The following BDH1 variants were observed in gnomAD, a reference collection of about 807,000 sequenced individuals.
The protein encoded by BDH1 is D-beta-hydroxybutyrate dehydrogenase, mitochondrial.
BDH1 carries 30 observed loss-of-function variants against 33.1 expected under a neutral mutation model. The ratio of observed to expected loss-of-function variants is 0.91; its 90% CI spans 0.68 to 1.23. BDH1 has a LOEUF of 1.23. BDH1 is among the 50% of genes most tolerant of loss of function. The pLI, the probability that BDH1 is intolerant of heterozygous loss-of-function variation, is 0.00. For missense variants in BDH1, 443 were observed against 464.4 expected (o/e 0.95, Z 0.42); for synonymous variants, 190 against 183.6 (o/e 1.03, Z -0.28).
At chr3:197,551,607 T>A (rs2108764402) in intron 2 of BDH1, among the ~76,000 whole-genome samples, 1 of 152,316 alleles carries the variant, frequency 6.6e-6, no homozygotes, top group Non-Finnish European at 1.5e-5. Flanking sequence ...CACTGCTGGA[T>A]CCTATGGTAG....
In BDH1 at chr3:197,525,997, G is replaced by A. The variant is rs1331239544; in HGVS notation, c.268-3216C>T. ...TTAGTTCCGCTGTGTTGGTGCGTGTGCAACTGGCTTATTGATAAACCCACT... is the reference window on the plus strand; with the variant it reads ...TTAGTTCCGCTGTGTTGGTGCGTGTACAACTGGCTTATTGATAAACCCACT... On this transcript the variant is annotated intron_variant, in intron 5 of 7. Coordinates refer to ENST00000392379, the MANE Select transcript of BDH1 (RefSeq NM_203314.3). This position sits in a 1 kb window ranked among gnomAD's most constrained non-coding sequence, Gnocchi z 4.9. Among the ~76,000 whole-genome samples, 1 of 152,198 alleles carries A rather than the reference G, an allele frequency of 6.6e-6. No homozygotes were observed. Among genetic ancestry groups the A allele is most frequent in the Non-Finnish European group, 1.5e-5 (1 of 68,042 alleles).
intron 3 of BDH1, among the ~76,000 whole-genome samples, chr3:197,534,929 CTT>C (rs1470684683): frequency 6.6e-6 from 1 of 152,166 alleles, no homozygotes; most frequent in Non-Finnish European, 1.5e-5. Context: ...CAACAACAGA[CTT>C]ATATTCCTTA....
intron 1 of BDH1, among the ~76,000 whole-genome samples, chr3:197,562,452 C>G (rs1042912882): frequency 5.3e-5 from 8 of 152,170 alleles, no homozygotes; most frequent in African/African-American, 1.9e-4. Context: ...GAAAGGCGTC[C>G]CTGGGTGACC....
chr3:197,567,950 T>C (rs1223058358), intron 1 of BDH1, among the ~76,000 whole-genome samples: 5 of 152,162 alleles, frequency 3.3e-5, no homozygotes, highest in African/African-American at 1.2e-4. Context: ...TGAGAGATCA[T>C]GGTGTTCTCT....
intron 1 of BDH1, among the ~76,000 whole-genome samples, chr3:197,569,636 T>C (rs1396245438): frequency 1.3e-5 from 2 of 152,162 alleles, no homozygotes; most frequent in African/African-American, 4.8e-5. Flanking sequence ...TAAAAACTGA[T>C]GGTTTTACAA....
intron 5 of BDH1, chr3:197,529,262 T>A (rs1714425765): frequency 6.6e-6 from 1 of 152,230 alleles, no homozygotes; most frequent in Non-Finnish European, 1.5e-5. Flanking sequence ...GAGGCAAAGA[T>A]ATATGTGCAA....
chr3:197,560,468 T>G (rs1234492880), upstream of BDH1, among the ~76,000 whole-genome samples: 1 of 152,158 alleles, frequency 6.6e-6, no homozygotes, highest in Non-Finnish European at 1.5e-5. Flanking sequence ...TACTAGCCAA[T>G]CAGGACAAAT....
At position 197,514,454 on chromosome 3, in the gene BDH1, G is replaced by A; in HGVS notation, c.410-38C>T. 6.5e-7 allele frequency: 1 copy of A among 1,532,576 alleles called. No individual in the cohort carries two copies. 94.9% of individuals were successfully genotyped at this position (1,532,576 alleles called of 1,614,324 possible). ...GGGATAGATGTGCATTTACCACATG[G>A]GCTTGGCCCAGACATTGCCCATCAG... On this transcript the variant is annotated intron_variant, in intron 6 of 7. Transcript: ENST00000392379. This position sits in a 1 kb window ranked among gnomAD's most constrained non-coding sequence, Gnocchi z 4.2.
chr3:197,538,455 G>C, intron 3 of BDH1: 1 of 446,570 alleles, frequency 2.2e-6, no homozygotes, highest in South Asian at 1.6e-5. Context: ...GGGTTCAAGC[G>C]ATTCTCCTGC....
rs1242524499 is a variant in BDH1 at position 197,533,593 on chromosome 3, G to A, written c.84-32C>T. The A allele has an allele frequency of 1.9e-6, 3 of 1,601,394 alleles. No individual in the cohort carries two copies. The South Asian group carries it at 3.3e-5, about 18-fold the overall frequency. ...GAGAAAAGGAAGCCGTGAGTACAAG[G>A]ACAGACTAGACAGACCCTCAGCCAC... is the stretch of plus-strand genomic sequence containing the variant. On this transcript the variant is annotated intron_variant, in intron 3 of 7. Transcript: ENST00000392379.
rs1713669589 is a variant in BDH1, at chr3:197,522,609, A to G, written c.409+31T>C. On this transcript the variant is annotated intron_variant, in intron 6 of 7. Coordinates refer to ENST00000392379, the MANE Select transcript of BDH1 (RefSeq NM_203314.3). The surrounding 1 kb of genome is among the most constrained non-coding windows in gnomAD (Gnocchi z 4.8). Reference sequence around the variant, plus strand: ...AGTGCCCCTTGGAATGGCCCCATACACAACCCCTGCCGTCCGAAGGGGCGC... The same window carrying G: ...AGTGCCCCTTGGAATGGCCCCATACGCAACCCCTGCCGTCCGAAGGGGCGC... 1.2e-6 allele frequency: 2 copies of G among 1,612,444 alleles called. No individual in the cohort carries two copies. The highest frequency in any genetic ancestry group is 1.3e-5 in the African/African-American group (1 of 75,038).
At chr3:197,564,992 C>G (rs749480540) in intron 1 of BDH1, among the ~76,000 whole-genome samples, 8 of 152,124 alleles carry the variant, frequency 5.3e-5, no homozygotes, top group Non-Finnish European at 1.0e-4. Context: ...GTGCAATCTC[C>G]GCTCACTGCA....
intron 3 of BDH1, among the ~76,000 whole-genome samples, chr3:197,545,626 G>C (rs1246567970): frequency 6.6e-6 from 1 of 152,198 alleles, no homozygotes; most frequent in Non-Finnish European, 1.5e-5. Context: ...ACCAGAAAAA[G>C]GTCCATCAGC....
chr3:197,540,361 C>T (rs1715501699), intron 3 of BDH1, among the ~76,000 whole-genome samples: 1 of 148,726 alleles, frequency 6.7e-6, no homozygotes, highest in South Asian at 2.2e-4. Context: ...GCCTACCTGA[C>T]ATTTTTAAAA....
chr3:197,519,987 C>T (rs957908564), intron 6 of BDH1, among the ~76,000 whole-genome samples: 8 of 152,132 alleles, frequency 5.3e-5, no homozygotes, highest in African/African-American at 1.4e-4. Flanking sequence ...TGTGCCCCCC[C>T]GGTGGAGAAG....
intron 4 of BDH1, among the ~76,000 whole-genome samples, 156 bp from the exon 5 acceptor site, chr3:197,532,678 G>A (rs1238317877): frequency 6.6e-6 from 1 of 152,170 alleles, no homozygotes; most frequent in Non-Finnish European, 1.5e-5. Flanking sequence ...AAGCACCATG[G>A]TATAGTGGAA....
At chr3:197,538,513 G>C in intron 3 of BDH1, 3 of 375,638 alleles carry the variant, frequency 8.0e-6, no homozygotes, top group South Asian at 6.0e-5. Flanking sequence ...CACCACACCT[G>C]GCCAATTTTT....
chr3:197,543,289 T>C, intron 3 of BDH1: 1 of 567,132 alleles, frequency 1.8e-6, no homozygotes, highest in Non-Finnish European at 2.2e-6. Flanking sequence ...CCGCATGTGA[T>C]GTGGCAGCCA....
chr3:197,520,825 C>A lies in BDH1; in HGVS notation c.409+1815G>T, dbSNP rs982768037. Among the ~76,000 whole-genome samples, 1 of 152,174 alleles carries A rather than the reference C, an allele frequency of 6.6e-6. No individual in the cohort carries two copies. The highest frequency in any genetic ancestry group is 1.5e-5 in the Non-Finnish European group (1 of 68,030). On this transcript the variant is annotated intron_variant, in intron 6 of 7. Coordinates refer to ENST00000392379, the MANE Select transcript of BDH1 (RefSeq NM_203314.3). The surrounding 1 kb of genome is among the most constrained non-coding windows in gnomAD (Gnocchi z 6.0). ...CGGTAATCACCCCAGCGGGACCCAT[C>A]CTGCCTTTTCTTAATGGGCTGGCTC... is the stretch of plus-strand genomic sequence containing the variant.
Sources: allele counts gnomAD v4.1 joint callset (sites outside exome capture counted in the v4.1 genomes callset), GRCh38; gene constraint gnomAD v4.1.1; non-coding constraint Gnocchi (gnomAD v3.1); transcripts MANE v1.5; gene names NCBI Gene and HGNC (gene_info 2026-07-23, HGNC 2026-07-21).